Variants in GUCY1B1 observed in about 807,000 individuals in gnomAD.
The protein encoded by GUCY1B1 is guanylate cyclase 1 soluble subunit beta 1.
In GUCY1B1, 43 loss-of-function variants were observed where a neutral mutation model predicts 71.0. The observed-to-expected ratio is 0.61, with a 90% CI of 0.47 to 0.78. GUCY1B1 has a LOEUF of 0.78. Among genes scored for constraint, GUCY1B1 ranks in the 30% least tolerant of loss-of-function variants. GUCY1B1 has a pLI of 0.00. For missense variants in GUCY1B1, 535 were observed against 754.1 expected (o/e 0.71, Z 3.40); for synonymous variants, 266 against 259.7 (o/e 1.02, Z -0.23).
At chr4:155,782,198 C>CT (rs1738477230) in intron 4 of GUCY1B1, among the ~76,000 whole-genome samples, 1 of 152,174 alleles carries the variant, frequency 6.6e-6, no homozygotes, top group Non-Finnish European at 1.5e-5. Flanking sequence ...GCCTCAGCCG[C>CT]CCGAGTAGCT....
At chr4:155,762,810 G>A (rs1737083366) in intron 2 of GUCY1B1, among the ~76,000 whole-genome samples, 1 of 152,158 alleles carries the variant, frequency 6.6e-6, no homozygotes, top group African/African-American at 2.4e-5. Context: ...TAAAACCATT[G>A]TTAGCTCTTG....
intron 4 of GUCY1B1, among the ~76,000 whole-genome samples, chr4:155,782,615 T>C (rs2111071060): frequency 6.6e-6 from 1 of 152,326 alleles, no homozygotes; most frequent in East Asian, 1.9e-4. Flanking sequence ...CACATGCATT[T>C]CTGTAGTATG....
At position 155,803,722 on chromosome 4, in the gene GUCY1B1, G is replaced by A. The variant is rs758400001; in HGVS notation, c.1512G>A (p.Met504Ile). Residue 504 changes from methionine (M) to isoleucine (I), a missense_variant, in exon 11 of 14, where the codon ATG (methionine) becomes ATA (isoleucine). Coordinates refer to ENST00000264424, the MANE Select transcript of GUCY1B1 (RefSeq NM_000857.5). ...RSICHLALDM[M>I]EIAGQVQVDG... ...TCTGCCACCTGGCCTTGGACATGAT[G>A]GAAATTGCTGGCCAGGTTCAAGTAG... 6.2e-7 allele frequency: 1 copy of A among 1,600,742 alleles called. No individual in the cohort carries two copies. Among genetic ancestry groups the A allele is most frequent in the Non-Finnish European group, 8.5e-7 (1 of 1,173,440 alleles).
At chr4:155,782,450 T>C (rs1252368191) in intron 4 of GUCY1B1, among the ~76,000 whole-genome samples, 1 of 152,194 alleles carries the variant, frequency 6.6e-6, no homozygotes, top group Non-Finnish European at 1.5e-5. Context: ...AAAGAATACA[T>C]GGGATTTGAA....
chr4:155,762,492 C>T (rs959717396), intron 2 of GUCY1B1, among the ~76,000 whole-genome samples: 2 of 152,124 alleles, frequency 1.3e-5, no homozygotes, highest in African/African-American at 2.4e-5. Context: ...AGATGCCAAA[C>T]ATTTAATGAC....
chr4:155,797,764 T>A (rs543091846), intron 8 of GUCY1B1, among the ~76,000 whole-genome samples: 6 of 84,040 alleles, frequency 7.1e-5, no homozygotes, highest in Admixed American at 1.2e-4. Flanking sequence ...AATAATAATA[T>A]ATCGTTAATT....
At chr4:155,789,635 T>C in intron 4 of GUCY1B1, 79 bp from the exon 5 acceptor site, 1 of 816,094 alleles carries the variant, frequency 1.2e-6, no homozygotes, top group Non-Finnish European at 2.0e-6. Context: ...ATTTGACTCG[T>C]TTTCATATCT....
At position 155,807,419 on chromosome 4, in the gene GUCY1B1, T is replaced by C. The variant is rs192988325; in HGVS notation, c.*1010T>C. 2.0e-5 allele frequency: 3 copies of C among 152,308 alleles called. No homozygotes were observed. Among genetic ancestry groups the C allele is most frequent in the East Asian group, 3.9e-4 (2 of 5,190 alleles). The allele number at this position is 152,308 out of a possible 1,614,324, so 9.4% of individuals were successfully genotyped here. A position where few individuals can be genotyped will look rare whatever the true frequency, so the allele number is the denominator to read the frequency against. On this transcript the variant is annotated 3_prime_UTR_variant, in exon 14 of 14. Transcript: ENST00000264424. ...TGTTGGAATAATTGGCCTCTAGCTC[T>C]TAAATGTCTCTGATAACTTATTAAT... is the stretch of plus-strand genomic sequence containing the variant.
intron 4 of GUCY1B1, among the ~76,000 whole-genome samples, chr4:155,784,290 G>T (rs1211301317): frequency 6.6e-6 from 1 of 152,052 alleles, no homozygotes; most frequent in Admixed American, 6.5e-5. Flanking sequence ...TCAAGAAGCA[G>T]CTCCAGGAAG....
intron 2 of GUCY1B1, among the ~76,000 whole-genome samples, chr4:155,763,028 A>T (rs185165267): frequency 8.5e-5 from 13 of 152,282 alleles, no homozygotes; most frequent in Admixed American, 7.8e-4. Context: ...AGTAATGACA[A>T]AAAAATTATC....
chr4:155,769,562 A>G (rs1737559334), intron 2 of GUCY1B1, among the ~76,000 whole-genome samples: 1 of 152,168 alleles, frequency 6.6e-6, no homozygotes, highest in African/African-American at 2.4e-5. Flanking sequence ...AGGACTTTTA[A>G]AAATAAAAAT....
At chr4:155,803,514 G>A (rs558805886) in intron 10 of GUCY1B1, 110 bp from the exon 11 acceptor site, 5 of 618,816 alleles carry the variant, frequency 8.1e-6, no homozygotes, top group South Asian at 4.2e-5. Context: ...AAAGGGGGAG[G>A]GAAGCTTAAA....
In GUCY1B1 at chr4:155,802,731, A is replaced by G. The variant is rs1740045015; in HGVS notation, c.1413+152A>G. ...TGTATTCACTCTTTACCATGTTCTTAAATAATTGCCTCTTGTTATAAAACT... is the reference window on the plus strand; with the variant it reads ...TGTATTCACTCTTTACCATGTTCTTGAATAATTGCCTCTTGTTATAAAACT... On this transcript the variant is annotated intron_variant, in intron 10 of 13. Transcript: ENST00000264424. This position sits in a 1 kb window ranked among gnomAD's most constrained non-coding sequence, Gnocchi z 4.3. Among the ~76,000 whole-genome samples, 1 of 152,162 alleles carries G rather than the reference A, an allele frequency of 6.6e-6. No homozygotes were observed. Among genetic ancestry groups the G allele is most frequent in the Non-Finnish European group, 1.5e-5 (1 of 68,020 alleles).
chr4:155,804,250 T>C (rs994316944), intron 11 of GUCY1B1, among the ~76,000 whole-genome samples: 1 of 152,132 alleles, frequency 6.6e-6, no homozygotes, highest in African/African-American at 2.4e-5. Flanking sequence ...CAAAAATTCA[T>C]GTGTTACAGG....
intron 5 of GUCY1B1, among the ~76,000 whole-genome samples, chr4:155,791,260 C>G (rs986367474): frequency 1.3e-5 from 2 of 151,062 alleles, no homozygotes; most frequent in South Asian, 2.1e-4. Flanking sequence ...GACTACAGGC[C>G]CCCACCACCA....
At chr4:155,780,114 G>A (rs914787635) in intron 4 of GUCY1B1, among the ~76,000 whole-genome samples, 8 of 152,142 alleles carry the variant, frequency 5.3e-5, no homozygotes, top group Middle Eastern at 3.4e-3. Flanking sequence ...TCGTCGTATC[G>A]TTTTCTTGCT....
chr4:155,772,406 G>C (rs994895589), intron 2 of GUCY1B1, among the ~76,000 whole-genome samples: 1 of 152,084 alleles, frequency 6.6e-6, no homozygotes, highest in African/African-American at 2.4e-5. Flanking sequence ...GGTTTTGTTT[G>C]TTTGTTTGTT....
chr4:155,794,844 C>G (rs972142525), intron 6 of GUCY1B1, among the ~76,000 whole-genome samples: 11 of 152,110 alleles, frequency 7.2e-5, no homozygotes, highest in Non-Finnish European at 1.5e-5. Flanking sequence ...CAGCCTGTTT[C>G]TCTTTGTTCT....
chr4:155,771,192 A>C (rs1224775312), intron 2 of GUCY1B1, among the ~76,000 whole-genome samples: 1 of 152,350 alleles, frequency 6.6e-6, no homozygotes, highest in African/African-American at 2.4e-5. Flanking sequence ...TCAGAGTGAA[A>C]TTTTTAAAAG....
Sources: gnomAD v4.1 joint callset for allele counts (sites outside exome capture counted in the v4.1 genomes callset) on GRCh38, gnomAD v4.1.1 for gene constraint, Gnocchi (gnomAD v3.1) non-coding constraint, MANE v1.5 for transcripts, NCBI Gene and HGNC (gene_info 2026-07-23, HGNC 2026-07-21) for gene names.